TTC22: variants seen among roughly 807,000 people sequenced by gnomAD.
TTC22 encodes tetratricopeptide repeat protein 22.
In TTC22, 42 loss-of-function variants were observed where a neutral mutation model predicts 48.2. The observed-to-expected ratio is 0.87, with a 90% CI of 0.68 to 1.13. TTC22 has a LOEUF of 1.13. TTC22 is among the 50% of genes most tolerant of loss of function. The pLI is 0.00. For missense variants in TTC22, 784 were observed against 807.0 expected (o/e 0.97, Z 0.34); for synonymous variants, 345 against 365.5 (o/e 0.94, Z 0.64).
At chr1:54,788,844 C>T (rs761228729) in intron 1 of TTC22, among the ~76,000 whole-genome samples, 5 of 152,102 alleles carry the variant, frequency 3.3e-5, no homozygotes, top group Non-Finnish European at 7.4e-5. Flanking sequence ...GGGGTGAATG[C>T]ATTTGTGAGC....
At chr1:54,794,330 C>T (rs896718942) in intron 1 of TTC22, among the ~76,000 whole-genome samples, 8 of 152,156 alleles carry the variant, frequency 5.3e-5, no homozygotes, top group Non-Finnish European at 1.0e-4. Context: ...TATGTCTTAA[C>T]TCGGGTGGGG....
intron 4 of TTC22, chr1:54,786,738 C>T (rs978668861): frequency 9.8e-6 from 4 of 408,878 alleles, no homozygotes; most frequent in African/African-American, 8.2e-5. Flanking sequence ...GGGTCTATTT[C>T]AAGGCTGGAG....
chr1:54,785,598 G>C (rs1055591284), intron 5 of TTC22: 2 of 445,308 alleles, frequency 4.5e-6, no homozygotes, highest in African/African-American at 4.0e-5. Flanking sequence ...GACTGCTTGA[G>C]CCCAGGAGTT....
rs1484630401 is a variant in TTC22 at position 54,782,489 on chromosome 1, G to C, written c.1021-12C>G. The C allele has an allele frequency of 6.5e-7, 1 of 1,535,578 alleles. No individual in the cohort carries two copies. Among genetic ancestry groups the C allele is most frequent in the East Asian group, 2.5e-5 (1 of 40,396 alleles). ...GCTCTGATGTGGATCTGCCAACAGA[G>C]AGCCAGCTTAGGAAAGATGATCCAG... On this transcript the variant is annotated splice_polypyrimidine_tract_variant and intron_variant, in intron 5 of 6. Coordinates refer to ENST00000371276, the MANE Select transcript of TTC22 (RefSeq NM_001114108.2).
intron 1 of TTC22, among the ~76,000 whole-genome samples, chr1:54,788,321 G>T (rs1646322562): frequency 6.6e-6 from 1 of 152,124 alleles, no homozygotes; most frequent in African/African-American, 2.4e-5. Flanking sequence ...AGGGCCCCCA[G>T]TGAGGTGCCT....
At chr1:54,783,147 G>A (rs2101439687) in intron 5 of TTC22, among the ~76,000 whole-genome samples, 1 of 152,312 alleles carries the variant, frequency 6.6e-6, no homozygotes, top group African/African-American at 2.4e-5. Flanking sequence ...GGGTTGGGTA[G>A]AAGGAAGCAA....
intron 1 of TTC22, among the ~76,000 whole-genome samples, chr1:54,799,120 A>C (rs1646413618): frequency 6.6e-6 from 1 of 152,232 alleles, no homozygotes; most frequent in African/African-American, 2.4e-5. Flanking sequence ...GGGGCTGACC[A>C]CAGCTGCTCT....
At chr1:54,795,608 C>CT (rs1646384589) in intron 1 of TTC22, among the ~76,000 whole-genome samples, 1 of 152,212 alleles carries the variant, frequency 6.6e-6, no homozygotes, top group Admixed American at 6.5e-5. Flanking sequence ...CTCTTACCCT[C>CT]TGCAGTAACA....
intron 4 of TTC22, 58 bp downstream of exon 4, chr1:54,786,899 G>A (rs528692957): frequency 6.2e-4 from 557 of 900,900 alleles, no homozygotes; most frequent in Non-Finnish European, 8.3e-4. Flanking sequence ...TAGGTGGAGA[G>A]GCTGGGGTGC....
chr1:54,784,746 G>A (rs1414386421), intron 5 of TTC22: 1 of 1,291,484 alleles, frequency 7.7e-7, no homozygotes, highest in Non-Finnish European at 1.0e-6. Flanking sequence ...GTGGATAGTA[G>A]TGGAGAAGAT....
chr1:54,788,218 T>A, intron 1 of TTC22, 121 bp from the exon 2 acceptor site: 2 of 931,496 alleles, frequency 2.1e-6, no homozygotes, highest in Non-Finnish European at 3.5e-6. Flanking sequence ...GCTTTGACCT[T>A]AAACACCTTT....
chr1:54,788,108 A>T lies in TTC22; in HGVS notation c.568-11T>A, dbSNP rs371050617. ...CTCCTCCATCGGGATCTAGGGAAAC[A>T]GAGAACAGCCCACACTGCCATTACT... On this transcript the variant is annotated splice_polypyrimidine_tract_variant and intron_variant, in intron 1 of 6. Transcript: ENST00000371276. 1 of 1,613,626 alleles carries T rather than the reference A, an allele frequency of 6.2e-7. No homozygotes were observed. Among genetic ancestry groups the T allele is most frequent in the Non-Finnish European group, 8.5e-7 (1 of 1,179,672 alleles).
At position 54,801,287 on chromosome 1, in the gene TTC22, G is replaced by T; in HGVS notation, c.-124C>A. The T allele has an allele frequency of 9.8e-7, 1 of 1,020,466 alleles. No homozygotes were observed. The highest frequency in any genetic ancestry group is 1.4e-6 in the Non-Finnish European group (1 of 704,624). 63.2% of individuals were successfully genotyped at this position (1,020,466 alleles called of 1,614,324 possible). A position where few individuals can be genotyped will look rare whatever the true frequency, so the allele number is the denominator to read the frequency against. On this transcript the variant is annotated 5_prime_UTR_variant, in exon 1 of 7. Coordinates refer to ENST00000371276, the MANE Select transcript of TTC22 (RefSeq NM_001114108.2). ...GGGGCAGCCGGCAGAGGCCCCGGGC[G>T]CTGCGGCCTCTCGGTCTCAGGGCGC... is the stretch of plus-strand genomic sequence containing the variant.
intron 5 of TTC22, chr1:54,785,676 G>A (rs1326475912): frequency 2.4e-6 from 1 of 413,520 alleles, no homozygotes; most frequent in African/African-American, 2.0e-5. Flanking sequence ...AGCTGGGTGT[G>A]GTGGTGTGCA....
At chr1:54,800,323 A>G (rs1023268007) in intron 1 of TTC22, among the ~76,000 whole-genome samples, 4 of 152,186 alleles carry the variant, frequency 2.6e-5, no homozygotes, top group African/African-American at 9.6e-5. Flanking sequence ...TGGGAGGAGC[A>G]AGGTAAGAAG....
Position 54,781,349 on chromosome 1 carries a change from A to G in TTC22, c.1604T>C (p.Leu535Pro). 9 of 1,406,732 alleles carry G rather than the reference A, an allele frequency of 6.4e-6. No homozygotes were observed. The highest frequency in any genetic ancestry group is 8.2e-6 in the Non-Finnish European group (9 of 1,092,408). The allele number at this position is 1,406,732 out of a possible 1,614,324, so 87.1% of individuals were successfully genotyped here. A position where few individuals can be genotyped will look rare whatever the true frequency, so the allele number is the denominator to read the frequency against. The change falls in exon 7 of 7, where the codon CTG (leucine) becomes CCG (proline). Residue 535 changes from leucine (L) to proline (P), a missense_variant. Leu to Pro is a moderately conservative substitution (Grantham distance 98). Coordinates refer to ENST00000371276, the MANE Select transcript of TTC22 (RefSeq NM_001114108.2). ...CAGCGCCGGCCGTCCCTGGGCCACC[A>G]GGGCCCGGGCCAGCCCCAACACCTC... ...TDEVLGLARA[L>P]VAQGRPALVR...
At position 54,784,195 on chromosome 1, in the gene TTC22, G is replaced by C. The variant is rs140108556; in HGVS notation, c.1021-1718C>G. 1.7e-3 allele frequency among the ~76,000 whole-genome samples: 254 copies of C among 152,300 alleles called. 2 individuals are homozygous for C. Among genetic ancestry groups the C allele is most frequent in the African/African-American group, 5.8e-3 (242 of 41,558 alleles). On this transcript the variant is annotated intron_variant, in intron 5 of 6. Transcript: ENST00000371276. ...CTGAGAGAGGCATGAGCAGAGGGAG[G>C]TGGGGTAGAGAGGTCATGAGGCCAG...
intron 1 of TTC22, among the ~76,000 whole-genome samples, chr1:54,789,591 G>T (rs1054467968): frequency 6.6e-6 from 1 of 152,214 alleles, no homozygotes; most frequent in African/African-American, 2.4e-5. Flanking sequence ...CCACCCAAAA[G>T]GGGCCCCACT....
In TTC22 at chr1:54,781,199, CCTGGGCGGGGT is replaced by C. The variant is rs1557769268; in HGVS notation, c.*33_*43del. The C allele has an allele frequency of 7.4e-7, 1 of 1,348,832 alleles. No homozygotes were observed. Among genetic ancestry groups the C allele is most frequent in the South Asian group, 1.6e-5 (1 of 61,458 alleles). The allele number at this position is 1,348,832 out of a possible 1,614,324, so 83.6% of individuals were successfully genotyped here. A position where few individuals can be genotyped will look rare whatever the true frequency, so the allele number is the denominator to read the frequency against. On this transcript the variant is annotated 3_prime_UTR_variant, in exon 7 of 7. Transcript: ENST00000371276. The stretch of plus-strand genomic sequence containing the variant: ...ACCTGGTCCCATCAGCTGGGCGGGG[CCTGGGCGGGGT>C]CCCAGGGAGCCTCCGGCCTGGGCAC...
Sources: gnomAD v4.1 joint callset for allele counts (sites outside exome capture counted in the v4.1 genomes callset) on GRCh38, gnomAD v4.1.1 for gene constraint, MANE v1.5 for transcripts, NCBI Gene and HGNC (gene_info 2026-07-23, HGNC 2026-07-21) for gene names.